PEX1: variants seen among roughly 807,000 people sequenced by gnomAD.
PEX1 encodes peroxisomal biogenesis factor 1.
Under a neutral mutation model 152.5 loss-of-function variants are expected in PEX1, and 97 were observed. The observed-to-expected ratio is 0.64, with a 90% CI of 0.54 to 0.75. The LOEUF is 0.75. Among genes scored for constraint, PEX1 ranks in the 30% least tolerant of loss-of-function variants. The pLI is 0.00. For synonymous variants in PEX1, 485 were observed against 531.6 expected (o/e 0.91, Z 1.21); for missense variants, 1,357 against 1,516.3 (o/e 0.89, Z 1.74).
At chr7:92,500,183 G>A (rs544357914) in intron 15 of PEX1, among the ~76,000 whole-genome samples, 1 of 152,188 alleles carries the variant, frequency 6.6e-6, no homozygotes, top group South Asian at 2.1e-4. Context: ...ATGCTTCATG[G>A]GGCAAGTTAT....
In PEX1 at chr7:92,493,048, C is replaced by T; in HGVS notation, c.3112G>A (p.Val1038Ile). 6.2e-7 allele frequency: 1 copy of T among 1,612,288 alleles called. No individual in the cohort carries two copies. The highest frequency in any genetic ancestry group is 8.5e-7 in the Non-Finnish European group (1 of 1,178,382). Reference sequence around the variant, plus strand: ...TCAGCTCCAGTAAAGGAGTCAGTTACTGATGCTACATGCTGAAGGTCAACA... The same window carrying T: ...TCAGCTCCAGTAAAGGAGTCAGTTATTGATGCTACATGCTGAAGGTCAACA... ...DDVDLQHVAS[V>I]TDSFTGADLK... is the part of the protein sequence containing the mutation. Residue 1038 changes from valine to isoleucine, a missense_variant, in exon 20 of 24, where the codon GTA (valine) becomes ATA (isoleucine). Val to Ile is a conservative substitution (Grantham distance 29). Coordinates refer to ENST00000248633, the MANE Select transcript of PEX1 (RefSeq NM_000466.3).
At chr7:92,519,324 A>G (rs1027246527) in intron 2 of PEX1, among the ~76,000 whole-genome samples, 5 of 152,192 alleles carry the variant, frequency 3.3e-5, no homozygotes, top group Non-Finnish European at 7.4e-5. Context: ...CCCTGGGCTC[A>G]AGCAATCCTC....
At chr7:92,506,807 C>A in intron 10 of PEX1, 187 bp downstream of exon 10, 1 of 588,890 alleles carries the variant, frequency 1.7e-6, no homozygotes, top group Non-Finnish European at 3.1e-6. Context: ...CGTCATCACT[C>A]CCCCAACACC....
chr7:92,499,997 A>C (rs149634395), intron 15 of PEX1, among the ~76,000 whole-genome samples, 159 bp from the exon 16 acceptor site: 18 of 152,344 alleles, frequency 1.2e-4, no homozygotes, highest in African/African-American at 3.8e-4. Flanking sequence ...TACAATTCCT[A>C]CTAAAAACTG....
At chr7:92,512,115 C>T (rs181158802) in intron 6 of PEX1, among the ~76,000 whole-genome samples, 1 of 150,516 alleles carries the variant, frequency 6.6e-6, no homozygotes, top group Non-Finnish European at 1.5e-5. Flanking sequence ...TCACTGCAAC[C>T]TCTGCCTCCC....
Position 92,528,464 on chromosome 7 carries a change from C to G in PEX1, c.-29G>C. Reference sequence around the variant, plus strand: ...CCCGGAGCGTCGCTCTGGGTTCGCCCACCCTAGCGCCGCAAAGGACCCGGG... The same window carrying G: ...CCCGGAGCGTCGCTCTGGGTTCGCCGACCCTAGCGCCGCAAAGGACCCGGG... On this transcript the variant is annotated 5_prime_UTR_variant, in exon 1 of 24. Coordinates refer to ENST00000248633, the MANE Select transcript of PEX1 (RefSeq NM_000466.3). 6.4e-7 allele frequency: 1 copy of G among 1,553,224 alleles called. No individual in the cohort carries two copies. The highest frequency in any genetic ancestry group is 8.7e-7 in the Non-Finnish European group (1 of 1,150,640).
At chr7:92,509,000 C>T (rs1007740039) in intron 9 of PEX1, among the ~76,000 whole-genome samples, 3 of 151,648 alleles carry the variant, frequency 2.0e-5, no homozygotes, top group Admixed American at 1.3e-4. Flanking sequence ...ATATGATCCA[C>T]GTGATATCTA....
Position 92,491,377 on chromosome 7 carries a change from T to C in PEX1, c.3333A>G (p.Leu1111=). ...ECGLDQSLVS[L]EMSEILPDES... Reference sequence around the variant, plus strand: ...CATCTGGAAGGATCTCGGACATCTCTAAAGAAACAAGGGACTGATCTAAGC... The same window carrying C: ...CATCTGGAAGGATCTCGGACATCTCCAAAGAAACAAGGGACTGATCTAAGC... The change falls in exon 21 of 24, where the codon TTA becomes TTG. Residue 1111 remains leucine (L), a synonymous_variant. Coordinates refer to ENST00000248633, the MANE Select transcript of PEX1 (RefSeq NM_000466.3). The C allele has an allele frequency of 6.2e-7, 1 of 1,613,470 alleles. No homozygotes were observed. The highest frequency in any genetic ancestry group is 8.5e-7 in the Non-Finnish European group (1 of 1,179,428).
rs1225035881 is a variant in PEX1 at position 92,518,019 on chromosome 7, A to T, written c.496T>A (p.Tyr166Asn). Residue 166 changes from tyrosine (Y) to asparagine (N), a missense_variant, in exon 5 of 24, where the codon TAT (tyrosine) becomes AAT (asparagine). Transcript: ENST00000248633. ...TTGGTGTCAGTTTCCAGCCTTCCATAAGAGGCAGCTGGTATTAGTGCAACT... is the reference window on the plus strand; with the variant it reads ...TTGGTGTCAGTTTCCAGCCTTCCATTAGAGGCAGCTGGTATTAGTGCAACT... ...QIVALIPAAS[Y>N]GRLETDTKLL... The T allele has an allele frequency of 6.2e-7, 1 of 1,614,036 alleles. No homozygotes were observed. The highest frequency in any genetic ancestry group is 1.3e-5 in the African/African-American group (1 of 74,932).
At position 92,489,800 on chromosome 7, in the gene PEX1, C is replaced by T. The variant is rs774342795; in HGVS notation, c.3550G>A (p.Gly1184Ser). ...TGTTCTTGTGTAAGTTCTTGGCAACCCTCTTGTGAAGCTGTCCTTAACACT... is the reference window on the plus strand; with the variant it reads ...TGTTCTTGTGTAAGTTCTTGGCAACTCTCTTGTGAAGCTGTCCTTAACACT... ...PPVLRTASQE[G>S]CQELTQEQRD... Residue 1184 changes from glycine to serine, a missense_variant, in exon 22 of 24, where the codon GGT becomes AGT. By Grantham distance (56) the Gly-to-Ser change is moderately conservative (BLOSUM62 0). Transcript: ENST00000248633. 1.9e-6 allele frequency: 3 copies of T among 1,613,986 alleles called. No individual in the cohort carries two copies. The highest frequency in any genetic ancestry group is 1.1e-5 in the South Asian group (1 of 91,078).
chr7:92,489,219 C>A, intron 23 of PEX1, 74 bp downstream of exon 23: 1 of 1,291,484 alleles, frequency 7.7e-7, no homozygotes, highest in Non-Finnish European at 1.1e-6. Flanking sequence ...TAAACACGAA[C>A]TTTAAAGGTT....
chr7:92,521,595 C>T (rs1793052899), intron 2 of PEX1, among the ~76,000 whole-genome samples: 1 of 151,964 alleles, frequency 6.6e-6, no homozygotes, highest in Non-Finnish European at 1.5e-5. Context: ...CCACCATGCC[C>T]AGCTAATTTT....
chr7:92,506,878 C>T, intron 10 of PEX1, 116 bp downstream of exon 10: 2 of 968,532 alleles, frequency 2.1e-6, no homozygotes, highest in Non-Finnish European at 3.3e-6. Context: ...GTCGTATAAA[C>T]CCTATATAAT....
chr7:92,499,248 G>A (rs1039202986), intron 16 of PEX1, among the ~76,000 whole-genome samples: 2 of 152,184 alleles, frequency 1.3e-5, no homozygotes, highest in Non-Finnish European at 2.9e-5. Flanking sequence ...TATCCGTGGA[G>A]AAATTTGTGC....
rs372806234 is a variant in PEX1 at position 92,514,180 on chromosome 7, A to G, written c.1240-213T>C. On this transcript the variant is annotated intron_variant, in intron 5 of 23. Coordinates refer to ENST00000248633, the MANE Select transcript of PEX1 (RefSeq NM_000466.3). ...CAAACGACAGAAACTTATTTCTCAC[A>G]GTTCTCTTTTATAAGAGCACGAATC... Among the ~76,000 whole-genome samples the G allele has an allele frequency of 9.5e-4, 144 of 152,290 alleles. 2 individuals are homozygous for G. The South Asian group carries it at 0.027, about 29-fold the overall frequency.
Position 92,528,514 on chromosome 7 carries a change from G to C in PEX1, c.-79C>G. On this transcript the variant is annotated 5_prime_UTR_variant, in exon 1 of 24. Transcript: ENST00000248633. ...GACCCGGCAGGCCGAGGACGTCGGA[G>C]CCGGAGGAGATCGATCGGCCCCGCC... 1 of 1,471,942 alleles carries C rather than the reference G, an allele frequency of 6.8e-7. No individual in the cohort carries two copies. Among genetic ancestry groups the C allele is most frequent in the East Asian group, 2.5e-5 (1 of 39,950 alleles). 91.2% of individuals were successfully genotyped at this position (1,471,942 alleles called of 1,614,324 possible).
intron 2 of PEX1, among the ~76,000 whole-genome samples, chr7:92,520,479 C>G (rs1040461440): frequency 1.3e-5 from 2 of 152,188 alleles, no homozygotes; most frequent in African/African-American, 2.4e-5. Flanking sequence ...ACATGGCACT[C>G]TCGTGTATTG....
chr7:92,522,941 G>T (rs1313439308), intron 1 of PEX1, among the ~76,000 whole-genome samples: 1 of 152,066 alleles, frequency 6.6e-6, no homozygotes, highest in African/African-American at 2.4e-5. Context: ...TTCCAGAAAC[G>T]TTATATTATG....
In PEX1 at chr7:92,492,951, G is replaced by GC; in HGVS notation, c.3207+1dup. Reference sequence around the variant, plus strand: ...TCATAACAACTTCCTCATATAACTTGCCTGGAGTCCACTCGAGAGCAGCAT... The same window carrying GC: ...TCATAACAACTTCCTCATATAACTTGCCCTGGAGTCCACTCGAGAGCAGCAT... On this transcript the variant is annotated splice_donor_variant, in intron 20 of 23. Coordinates refer to ENST00000248633, the MANE Select transcript of PEX1 (RefSeq NM_000466.3). LOFTEE classifies it high-confidence loss of function. 1 of 1,609,792 alleles carries GC rather than the reference G, an allele frequency of 6.2e-7. No individual in the cohort carries two copies. Among genetic ancestry groups the GC allele is most frequent in the Non-Finnish European group, 8.5e-7 (1 of 1,176,250 alleles).
Sources: allele counts gnomAD v4.1 joint callset (sites outside exome capture counted in the v4.1 genomes callset), GRCh38; gene constraint gnomAD v4.1.1; transcripts MANE v1.5; gene names NCBI Gene and HGNC (gene_info 2026-07-23, HGNC 2026-07-21).